Variants in UBAP1 observed in about 807,000 individuals in gnomAD.
UBAP1 encodes the protein ubiquitin associated protein 1.
In UBAP1, 5 loss-of-function variants were observed where a neutral mutation model predicts 39.0. The ratio of observed to expected loss-of-function variants is 0.13; its 90% confidence interval spans 0.07 to 0.27. UBAP1 has a LOEUF of 0.27. Among genes scored for constraint, UBAP1 ranks in the 10% least tolerant of loss-of-function variants. The pLI is 1.00. For synonymous variants in UBAP1, 211 were observed against 225.1 expected (o/e 0.94, Z 0.56); for missense variants, 490 against 608.1 (o/e 0.81, Z 2.04).
chr9:34,251,356 C>T (rs781597009), intron 6 of UBAP1, 36 bp from the exon 7 acceptor site: 1 of 1,611,002 alleles, frequency 6.2e-7, no homozygotes, highest in Admixed American at 1.7e-5. Context: ...GTGACCCCAC[C>T]CTTTTCTTTA....
chr9:34,246,506 T>C (rs909468363), intron 4 of UBAP1, among the ~76,000 whole-genome samples: 1 of 152,240 alleles, frequency 6.6e-6, no homozygotes, highest in Non-Finnish European at 1.5e-5. Flanking sequence ...GACCAGTAAG[T>C]GTAAAGCCAA....
intron 3 of UBAP1, among the ~76,000 whole-genome samples, chr9:34,239,541 C>T (rs886299999): frequency 1.3e-5 from 2 of 152,216 alleles, no homozygotes; most frequent in African/African-American, 4.8e-5. Context: ...ACATACACAG[C>T]CCTTGCTTCT....
At chr9:34,226,119 G>GTGTGTGTGTT (rs1833054389) in intron 2 of UBAP1, among the ~76,000 whole-genome samples, 1 of 97,458 alleles carries the variant, frequency 1.0e-5, no homozygotes, top group East Asian at 5.3e-4. Context: ...GTGTGTGTGT[G>GTGTGTGTGTT]TGTGTGTGTG....
At chr9:34,203,944 C>T (rs1831539482) in intron 1 of UBAP1, among the ~76,000 whole-genome samples, 2 of 152,198 alleles carry the variant, frequency 1.3e-5, no homozygotes, top group South Asian at 4.2e-4. Flanking sequence ...TTGAAGACTC[C>T]AGGAAGAACA....
At chr9:34,182,677 T>C (rs202117858) in intron 1 of UBAP1, among the ~76,000 whole-genome samples, 7,640 of 71,450 alleles carry the variant, frequency 0.11, 374 homozygotes, top group East Asian at 0.35. Context: ...CTTTCTTTCT[T>C]TCTTTCTCTC....
At position 34,250,722 on chromosome 9, in the gene UBAP1, A is replaced by G. The variant is rs368927286; in HGVS notation, c.1331A>G (p.Glu444Gly). The G allele has an allele frequency of 1.2e-6, 2 of 1,613,564 alleles. No homozygotes were observed. The highest frequency in any genetic ancestry group is 2.7e-5 in the African/African-American group (2 of 74,924). ...AAGGGCTTCGACCCTCTTTTAGTGG[A>G]AGAGGCTCTGGAAATGCACCAGTGT... ...CEKGFDPLLV[E>G]EALEMHQCSE... The change falls in exon 6 of 7, where the codon GAA (glutamate) becomes GGA (glycine). Residue 444 changes from glutamate (E) to glycine (G), a missense_variant. Physicochemically the swap from Glu to Gly is moderately conservative, Grantham distance 98. Around this residue, in one of 3 missense-constraint regions of UBAP1, gnomAD observed 339 missense variants for 390.0 expected, o/e 0.87. Coordinates refer to ENST00000297661, the MANE Select transcript of UBAP1 (RefSeq NM_016525.5).
At chr9:34,221,476 G>A (rs1261783757) in intron 2 of UBAP1, among the ~76,000 whole-genome samples, 1 of 150,480 alleles carries the variant, frequency 6.6e-6, no homozygotes, top group Non-Finnish European at 1.5e-5. Context: ...CTTGCAGTGA[G>A]CCGAGATCGC....
At chr9:34,198,613 G>A (rs1831194334) in intron 1 of UBAP1, among the ~76,000 whole-genome samples, 1 of 152,166 alleles carries the variant, frequency 6.6e-6, no homozygotes. Flanking sequence ...GCCACTGGCA[G>A]GGATGTGGTC....
At chr9:34,208,655 G>C (rs1296291148) in intron 1 of UBAP1, among the ~76,000 whole-genome samples, 2 of 151,758 alleles carry the variant, frequency 1.3e-5, no homozygotes. Context: ...GCGGGCGCCT[G>C]TAGTCCCAGC....
intron 1 of UBAP1, among the ~76,000 whole-genome samples, chr9:34,216,539 G>A (rs1421826728): frequency 3.3e-5 from 5 of 151,586 alleles, no homozygotes; most frequent in Non-Finnish European, 7.4e-5. Context: ...TGCCCAGGCT[G>A]CAGTGCAGTG....
At chr9:34,251,367 ATC>A (rs751276209) in intron 6 of UBAP1, 23 bp from the exon 7 acceptor site, 1 of 1,613,036 alleles carries the variant, frequency 6.2e-7, no homozygotes. Context: ...CTTTTCTTTA[ATC>A]TGTGTTCTCT....
At chr9:34,231,131 G>A (rs957945470) in intron 2 of UBAP1, among the ~76,000 whole-genome samples, 3 of 41,740 alleles carry the variant, frequency 7.2e-5, no homozygotes, top group Non-Finnish European at 1.3e-4. Context: ...AAAATTATGT[G>A]TGTGTGTGTG....
chr9:34,239,516 G>C (rs1833860028), intron 3 of UBAP1, among the ~76,000 whole-genome samples: 1 of 152,160 alleles, frequency 6.6e-6, no homozygotes, highest in Admixed American at 6.5e-5. Flanking sequence ...AATTTCTTTA[G>C]AGTGAGCCAG....
intron 1 of UBAP1, among the ~76,000 whole-genome samples, chr9:34,183,412 G>C (rs1830198731): frequency 6.6e-6 from 1 of 151,744 alleles, no homozygotes; most frequent in Non-Finnish European, 1.5e-5. Context: ...GGGCGTGGTG[G>C]TGTGTGCCTG....
Position 34,179,207 on chromosome 9 carries a change from C to T in UBAP1, c.-41C>T, listed in dbSNP as rs1008540713. On this transcript the variant is annotated 5_prime_UTR_variant, in exon 1 of 7. Coordinates refer to ENST00000297661, the MANE Select transcript of UBAP1 (RefSeq NM_016525.5). ...GAGGCCGGCCGGTGCCAGCACCTTTCGGCTTCTGAGACGGCGGCAGCAGCG... is the reference window on the plus strand; with the variant it reads ...GAGGCCGGCCGGTGCCAGCACCTTTTGGCTTCTGAGACGGCGGCAGCAGCG... 4.5e-6 allele frequency: 5 copies of T among 1,114,676 alleles called. No individual in the cohort carries two copies. Among genetic ancestry groups the T allele is most frequent in the Non-Finnish European group, 5.5e-6 (5 of 913,106 alleles). 69.0% of individuals were successfully genotyped at this position (1,114,676 alleles called of 1,614,324 possible).
Position 34,241,403 on chromosome 9 carries a change from C to A in UBAP1, c.378C>A (p.His126Gln). The change falls in exon 4 of 7, where the codon CAC becomes CAA. Residue 126 changes from histidine to glutamine, a missense_variant. His to Gln is a conservative substitution (Grantham distance 24, BLOSUM62 0). Around this residue, in one of 3 missense-constraint regions of UBAP1, gnomAD observed 144 missense variants for 184.4 expected, o/e 0.78. Transcript: ENST00000297661. ...ACCCCATCCTCGCCAGCTTGCAGCACAACAGCATCCTCACACCAACTCGGG... is the reference window on the plus strand; with the variant it reads ...ACCCCATCCTCGCCAGCTTGCAGCAAAACAGCATCCTCACACCAACTCGGG... ...PINPILASLQ[H>Q]NSILTPTRVS... 6.3e-7 allele frequency: 1 copy of A among 1,576,218 alleles called. No individual in the cohort carries two copies. The highest frequency in any genetic ancestry group is 8.6e-7 in the Non-Finnish European group (1 of 1,160,842).
In UBAP1 at chr9:34,217,783, C is replaced by CTTTTTTTTT. The variant is rs750494361; in HGVS notation, c.-7-3103_-7-3095dup. On this transcript the variant is annotated intron_variant, in intron 1 of 6. Coordinates refer to ENST00000297661, the MANE Select transcript of UBAP1 (RefSeq NM_016525.5). The stretch of plus-strand genomic sequence containing the variant: ...TTGTCATAAATGACAGGATTTCGTT[C>CTTTTTTTTT]TTTTTTTTTTTTTTTTTTTTTTTTT... 4.5e-3 allele frequency among the ~76,000 whole-genome samples: 186 copies of CTTTTTTTTT among 41,226 alleles called. 44 individuals are homozygous for CTTTTTTTTT. The highest frequency in any genetic ancestry group is 0.091 in the Middle Eastern group (2 of 22). The allele number at this position is 41,226 out of a possible 152,430, so 27.0% of individuals were successfully genotyped here.
intron 1 of UBAP1, among the ~76,000 whole-genome samples, chr9:34,183,461 C>T (rs906504693): frequency 2.0e-5 from 3 of 150,598 alleles, no homozygotes; most frequent in Non-Finnish European, 2.9e-5. Context: ...AGGAGAATGG[C>T]GTGAACCCGG....
Position 34,179,219 on chromosome 9 carries a change from CG to C in UBAP1, c.-27del, listed in dbSNP as rs1239907976. On this transcript the variant is annotated 5_prime_UTR_variant, in exon 1 of 7. Transcript: ENST00000297661. Reference sequence around the variant, plus strand: ...TGCCAGCACCTTTCGGCTTCTGAGACGGCGGCAGCAGCGGCATTCAGGTGAG... The same window carrying C: ...TGCCAGCACCTTTCGGCTTCTGAGACGCGGCAGCAGCGGCATTCAGGTGAG... 1 of 1,028,708 alleles carries C rather than the reference CG, an allele frequency of 9.7e-7. No individual in the cohort carries two copies. Among genetic ancestry groups the C allele is most frequent in the Non-Finnish European group, 1.2e-6 (1 of 860,120 alleles). The allele number at this position is 1,028,708 out of a possible 1,614,324, so 63.7% of individuals were successfully genotyped here. A position where few individuals can be genotyped will look rare whatever the true frequency, so the allele number is the denominator to read the frequency against.
Sources: allele counts gnomAD v4.1 joint callset (sites outside exome capture counted in the v4.1 genomes callset), GRCh38; gene constraint gnomAD v4.1.1; regional missense constraint gnomAD v4.1.1; transcripts MANE v1.5; gene names NCBI Gene and HGNC (gene_info 2026-07-23, HGNC 2026-07-21).